LRRIQ1: variants seen among roughly 807,000 people sequenced by gnomAD.
LRRIQ1 encodes the protein leucine-rich repeat- and IQ domain-containing protein 1.
Under a neutral mutation model 211.9 loss-of-function variants are expected in LRRIQ1, and 210 were observed. The ratio of observed to expected loss-of-function variants is 0.99; its 90% CI spans 0.89 to 1.11. The LOEUF is 1.11. Ranked by LOEUF, LRRIQ1 falls within the 50% of genes most tolerant of loss-of-function variation. The probability of loss-of-function intolerance (pLI) is 0.00; values close to 1 mark genes in which losing one functional copy is unlikely to be tolerated. For synonymous variants in LRRIQ1, 699 were observed against 650.1 expected (o/e 1.08, Z -1.14); for missense variants, 2,136 against 1,939.5 (o/e 1.10, Z -1.90).
At chr12:85,046,205 A>G in intron 5 of LRRIQ1, 68 bp downstream of exon 5, 1 of 917,098 alleles carries the variant, frequency 1.1e-6, no homozygotes, top group Non-Finnish European at 1.7e-6. Context: ...TTTAAAAAAA[A>G]TTGGACAGTT....
intron 24 of LRRIQ1, among the ~76,000 whole-genome samples, chr12:85,183,943 A>G (rs1386211992): frequency 3.3e-5 from 5 of 152,106 alleles, no homozygotes; most frequent in Non-Finnish European, 7.4e-5. Context: ...GTTCTAGCAG[A>G]GAAACTTCAA....
chr12:85,042,841 A>G (rs1249990866), intron 3 of LRRIQ1, among the ~76,000 whole-genome samples: 1 of 152,070 alleles, frequency 6.6e-6, no homozygotes, highest in Non-Finnish European at 1.5e-5. Flanking sequence ...AAAATACTTT[A>G]TTTCTAAAAG....
At chr12:85,157,971 G>A (rs1592900527) in intron 23 of LRRIQ1, among the ~76,000 whole-genome samples, 1 of 151,846 alleles carries the variant, frequency 6.6e-6, no homozygotes, top group Non-Finnish European at 1.5e-5. Flanking sequence ...AGAATGTTAA[G>A]GGGGAGGGAC....
intron 24 of LRRIQ1, among the ~76,000 whole-genome samples, chr12:85,179,266 A>C (rs988951937): frequency 3.9e-5 from 6 of 151,934 alleles, no homozygotes; most frequent in African/African-American, 1.4e-4. Flanking sequence ...CCTAAATACA[A>C]GCACTACCTT....
At chr12:85,246,535 A>G (rs1162858009), downstream of LRRIQ1, among the ~76,000 whole-genome samples, 2 of 151,494 alleles carry the variant, frequency 1.3e-5, no homozygotes, top group East Asian at 3.9e-4. Context: ...TAGCACATGA[A>G]TAGCTCAATA....
In LRRIQ1 at chr12:85,124,167, G is replaced by T; in HGVS notation, c.3655G>T (p.Asp1219Tyr). 1.2e-6 allele frequency: 2 copies of T among 1,614,052 alleles called. No homozygotes were observed. The highest frequency in any genetic ancestry group is 1.7e-6 in the Non-Finnish European group (2 of 1,179,996). The change falls in exon 17 of 27, where the codon GAT becomes TAT. Residue 1219 changes from aspartate to tyrosine, a missense_variant. Physicochemically the swap from Asp to Tyr is radical, Grantham distance 160. Coordinates refer to ENST00000393217, the MANE Select transcript of LRRIQ1 (RefSeq NM_001079910.2). The stretch of plus-strand genomic sequence containing the variant: ...ATACCGACATGCACACGAACGAGGG[G>T]ATGTAACTATCACCAAGAAAGATGA... ...TEYRHAHERG[D>Y]VTITKKDESE...
At chr12:85,101,327 G>A (rs1886326770) in intron 13 of LRRIQ1, among the ~76,000 whole-genome samples, 1 of 151,714 alleles carries the variant, frequency 6.6e-6, no homozygotes, top group Admixed American at 6.6e-5. Context: ...TTTTCAGTAA[G>A]ACATGTGACT....
intron 11 of LRRIQ1, among the ~76,000 whole-genome samples, chr12:85,084,025 G>C (rs1246909640): frequency 2.6e-5 from 4 of 152,168 alleles, no homozygotes; most frequent in Non-Finnish European, 5.9e-5. Context: ...ACATGACACA[G>C]TGCTGAAACT....
Position 85,189,518 on chromosome 12 carries a change from G to A in LRRIQ1, c.4822+28804G>A, listed in dbSNP as rs191416845. Among the ~76,000 whole-genome samples, 1,461 of 151,986 alleles carry A rather than the reference G, an allele frequency of 9.6e-3. 16 individuals carry two copies. Among genetic ancestry groups the A allele is most frequent in the South Asian group, 0.02 (97 of 4,826 alleles). On this transcript the variant is annotated intron_variant, in intron 24 of 26. Transcript: ENST00000393217. ...GGGGAATTATGAGAAATCTTGAAAA[G>A]CAAAATAACAAAATTACATCGATTA...
intron 10 of LRRIQ1, among the ~76,000 whole-genome samples, chr12:85,071,249 T>A (rs1284564229): frequency 6.6e-6 from 1 of 152,004 alleles, no homozygotes; most frequent in African/African-American, 2.4e-5. Context: ...CATCTATATA[T>A]ATGCACGTAT....
At chr12:85,132,561 A>G (rs1888843735) in intron 18 of LRRIQ1, among the ~76,000 whole-genome samples, 1 of 152,092 alleles carries the variant, frequency 6.6e-6, no homozygotes, top group Non-Finnish European at 1.5e-5. Flanking sequence ...TGAGCTCAGG[A>G]GTTCAATACC....
intron 16 of LRRIQ1, among the ~76,000 whole-genome samples, chr12:85,122,325 G>A (rs764323067): frequency 1.5e-4 from 23 of 151,968 alleles, no homozygotes; most frequent in Non-Finnish European, 3.1e-4. Context: ...ATATACTTAC[G>A]TATCAAGGTA....
At chr12:85,137,070 T>C (rs891999383) in intron 18 of LRRIQ1, among the ~76,000 whole-genome samples, 1 of 151,498 alleles carries the variant, frequency 6.6e-6, no homozygotes, top group African/African-American at 2.4e-5. Context: ...ATTAATTTTA[T>C]AATTCGAGCT....
At chr12:85,089,578 A>G (rs1011048843) in intron 11 of LRRIQ1, among the ~76,000 whole-genome samples, 2 of 152,208 alleles carry the variant, frequency 1.3e-5, no homozygotes, top group Non-Finnish European at 2.9e-5. Flanking sequence ...GTGAGGCTGC[A>G]TTGTATTCAT....
intron 7 of LRRIQ1, among the ~76,000 whole-genome samples, chr12:85,054,735 A>G (rs1024949954): frequency 2.6e-5 from 4 of 151,998 alleles, no homozygotes; most frequent in Admixed American, 6.6e-5. Context: ...GAACACTTGA[A>G]ATATGAGGTT....
chr12:85,272,307 T>C, the LRRIQ1 span, among the ~76,000 whole-genome samples: 1 of 152,216 alleles, frequency 6.6e-6, no homozygotes, highest in Non-Finnish European at 1.5e-5. Context: ...AGGGCATTTC[T>C]ACTCAAAACA....
chr12:85,042,947 T>C (rs1038389606), intron 3 of LRRIQ1, among the ~76,000 whole-genome samples: 1 of 152,100 alleles, frequency 6.6e-6, no homozygotes, highest in African/African-American at 2.4e-5. Flanking sequence ...GGGTTCTCAG[T>C]TGTAGAAAAC....
intron 12 of LRRIQ1, 61 bp downstream of exon 12, chr12:85,098,609 AC>A: frequency 7.3e-7 from 1 of 1,372,046 alleles, no homozygotes; most frequent in Non-Finnish European, 1.0e-6. Flanking sequence ...TGATAGAAAT[AC>A]CAATCACATA....
intron 24 of LRRIQ1, among the ~76,000 whole-genome samples, chr12:85,217,674 A>G (rs1421230683): frequency 2.3e-5 from 3 of 129,304 alleles, no homozygotes; most frequent in African/African-American, 8.3e-5. Context: ...ATATATGTGT[A>G]TATATGTATA....
Sources: gnomAD v4.1 joint callset for allele counts (sites outside exome capture counted in the v4.1 genomes callset) on GRCh38, gnomAD v4.1.1 for gene constraint, MANE v1.5 for transcripts, NCBI Gene and HGNC (gene_info 2026-07-23, HGNC 2026-07-21) for gene names.